The following PRDM11 variants were observed in gnomAD, a reference collection of about 807,000 sequenced individuals.
PRDM11 encodes the protein PR domain-containing protein 11.
PRDM11 carries 20 observed loss-of-function variants against 97.8 expected under a neutral mutation model. The ratio of observed to expected loss-of-function variants is 0.20; its 90% CI spans 0.14 to 0.30. The LOEUF is 0.30. Ranked by LOEUF, PRDM11 falls within the 10% of genes least tolerant of loss-of-function variation. The pLI, the probability that PRDM11 is intolerant of heterozygous loss-of-function variation, is 1.00. For synonymous variants in PRDM11, 599 were observed against 637.7 expected, an observed-to-expected ratio of 0.94 and a Z score of 0.91; for missense variants, 1,139 against 1,555.2, an observed-to-expected ratio of 0.73 and a Z score of 4.50.
chr11:45,202,225 A>G lies in PRDM11; in HGVS notation c.487-2486A>G, dbSNP rs547993609. 4.5e-3 allele frequency among the ~76,000 whole-genome samples: 686 copies of G among 152,340 alleles called. 3 individuals carry two copies. Among genetic ancestry groups the G allele is most frequent in the Non-Finnish European group, 7.4e-3 (502 of 68,022 alleles). ...CCCTGCGTTAGGAACCAGGGCCACC[A>G]TTGTGATCAGGGCAGCCACGTGCTT... On this transcript the variant is annotated intron_variant, in intron 4 of 7. Coordinates refer to ENST00000683152, the MANE Select transcript of PRDM11 (RefSeq NM_001384648.1).
At chr11:45,146,076 A>T (rs562920866), upstream of PRDM11, among the ~76,000 whole-genome samples, 2 of 152,272 alleles carry the variant, frequency 1.3e-5, no homozygotes, top group African/African-American at 4.8e-5. Flanking sequence ...CAAAACCGCA[A>T]CCCCACATAA....
intron 1 of PRDM11, among the ~76,000 whole-genome samples, chr11:45,106,836 T>C (rs1852070047): frequency 6.6e-6 from 1 of 152,172 alleles, no homozygotes; most frequent in Non-Finnish European, 1.5e-5. Context: ...TTACAGAGCA[T>C]CTTCTGCCAT....
upstream of PRDM11, chr11:45,146,599 T>A (rs1013055112): frequency 6.6e-6 from 1 of 151,200 alleles, no homozygotes; most frequent in Admixed American, 6.6e-5. Context: ...AATTGGGGGG[T>A]CCGCGTCTGC....
At chr11:45,117,977 G>T (rs1852340300) in intron 1 of PRDM11, among the ~76,000 whole-genome samples, 1 of 152,084 alleles carries the variant, frequency 6.6e-6, no homozygotes, top group Admixed American at 6.5e-5. Flanking sequence ...TGGTGAAAAT[G>T]GCACTTTAAC....
chr11:45,212,972 C>A (rs1590457481), intron 5 of PRDM11: 1 of 392,700 alleles, frequency 2.5e-6, no homozygotes, highest in Non-Finnish European at 5.2e-6. Context: ...CCTGCCAGAG[C>A]CCCCACCAGC....
intron 3 of PRDM11, 38 bp downstream of exon 3, chr11:45,182,387 C>T (rs202172429): frequency 6.4e-7 from 1 of 1,561,758 alleles, no homozygotes; most frequent in Non-Finnish European, 8.8e-7. Context: ...CTCCTCCCTT[C>T]ACCCCCATCG....
intron 6 of PRDM11, among the ~76,000 whole-genome samples, chr11:45,220,338 T>G (rs1854084876): frequency 6.6e-6 from 1 of 152,336 alleles, no homozygotes; most frequent in African/African-American, 2.4e-5. Flanking sequence ...TGTTCCCATG[T>G]AATTATCATA....
intron 1 of PRDM11, among the ~76,000 whole-genome samples, chr11:45,125,391 G>A (rs1289936745): frequency 6.6e-6 from 1 of 152,106 alleles, no homozygotes; most frequent in Admixed American, 6.5e-5. Context: ...GCTTTTGAAT[G>A]TGTTTGCTCT....
chr11:45,146,206 C>G (rs542380816), upstream of PRDM11, among the ~76,000 whole-genome samples: 24 of 152,218 alleles, frequency 1.6e-4, no homozygotes, highest in Middle Eastern at 3.4e-3. Context: ...TAAATGGGAC[C>G]GGGAGGGGGC....
At chr11:45,147,061 G>A (rs182926434) in intron 1 of PRDM11, among the ~76,000 whole-genome samples, 184 bp downstream of exon 1, 63,817 of 145,748 alleles carry the variant, frequency 0.44, 16,734 homozygotes, top group Non-Finnish European at 0.58. Flanking sequence ...CGGGGTGGGG[G>A]GCGGCCCGCC....
intron 5 of PRDM11, among the ~76,000 whole-genome samples, chr11:45,212,241 T>TAG (rs755649742): frequency 7.9e-5 from 12 of 152,108 alleles, no homozygotes; most frequent in Non-Finnish European, 1.3e-4. Flanking sequence ...CCCACTAGAA[T>TAG]AGAGCTGTTC....
At position 45,230,296 on chromosome 11, in the gene PRDM11, A is replaced by C. The variant is rs1026056566; in HGVS notation, c.*2137A>C. On this transcript the variant is annotated 3_prime_UTR_variant, in exon 8 of 8. Coordinates refer to ENST00000683152, the MANE Select transcript of PRDM11 (RefSeq NM_001384648.1). ...AATGCACCCCTGCCTGGTGACATCC[A>C]CCCCACCTCCCACCCCAGTTGCACA... The C allele has an allele frequency of 1.3e-5, 2 of 151,528 alleles. No individual in the cohort carries two copies. Among genetic ancestry groups the C allele is most frequent in the African/African-American group, 4.9e-5 (2 of 41,160 alleles). The allele number at this position is 151,528 out of a possible 1,614,324, so 9.4% of individuals were successfully genotyped here. A position where few individuals can be genotyped will look rare whatever the true frequency, so the allele number is the denominator to read the frequency against.
chr11:45,219,442 G>T lies in PRDM11; in HGVS notation c.555-128G>T. ...CTCCGGACAGGGCAGCTGCTCTGCTGATGTTCACATGGGCCCACGTGCCTG... is the reference window on the plus strand; with the variant it reads ...CTCCGGACAGGGCAGCTGCTCTGCTTATGTTCACATGGGCCCACGTGCCTG... On this transcript the variant is annotated intron_variant, in intron 5 of 7. Transcript: ENST00000683152. This position sits in a 1 kb window ranked among gnomAD's most constrained non-coding sequence, Gnocchi z 4.2. The T allele has an allele frequency of 1.1e-6, 1 of 883,754 alleles. No homozygotes were observed. Among genetic ancestry groups the T allele is most frequent in the Non-Finnish European group, 1.7e-6 (1 of 582,732 alleles). The allele number at this position is 883,754 out of a possible 1,614,324, so 54.7% of individuals were successfully genotyped here.
chr11:45,216,978 A>AG (rs1238702794), intron 5 of PRDM11, among the ~76,000 whole-genome samples: 1 of 152,236 alleles, frequency 6.6e-6, no homozygotes, highest in Non-Finnish European at 1.5e-5. Flanking sequence ...AGAAACTGGA[A>AG]GAAAAAAAGG....
rs1444881220 is a variant in PRDM11, at chr11:45,226,858, T to A, written c.2233T>A (p.Phe745Ile). Reference sequence around the variant, plus strand: ...CACAGCCAGCCTCCGTGCCAGCATGTTCATGACCATCCGCAAGACGCTGCC... The same window carrying A: ...CACAGCCAGCCTCCGTGCCAGCATGATCATGACCATCCGCAAGACGCTGCC... ...NITASLRASM[F>I]MTIRKTLPWL... Residue 745 changes from phenylalanine (F) to isoleucine (I), a missense_variant, in exon 8 of 8, where the codon TTC (phenylalanine) becomes ATC (isoleucine). By Grantham distance (21) the Phe-to-Ile change is conservative. Around this residue, in one of 2 missense-constraint regions of PRDM11, gnomAD observed 710 missense variants for 1,044.9 expected, o/e 0.68. Transcript: ENST00000683152. 2.0e-6 allele frequency: 3 copies of A among 1,533,750 alleles called. No individual in the cohort carries two copies. In the African/African-American group the frequency reaches 4.1e-5, roughly 21 times the overall value.
intron 4 of PRDM11, among the ~76,000 whole-genome samples, chr11:45,188,031 T>A (rs1852772409): frequency 6.6e-6 from 1 of 151,966 alleles, no homozygotes; most frequent in Non-Finnish European, 1.5e-5. Flanking sequence ...TCAAGTCCTG[T>A]CCCAAAGCCA....
rs566294986 is a variant in PRDM11 at position 45,157,746 on chromosome 11, G to C, written c.-7+10869G>C. 2.6e-5 allele frequency among the ~76,000 whole-genome samples: 4 copies of C among 152,376 alleles called. No individual in the cohort carries two copies. The East Asian group carries it at 5.8e-4, about 22-fold the overall frequency. On this transcript the variant is annotated intron_variant, in intron 1 of 7. Coordinates refer to ENST00000683152, the MANE Select transcript of PRDM11 (RefSeq NM_001384648.1). ...TGGCCTGGTTGGTGGGGTCACACCT[G>C]GGGTCATGGGCTGGCCATGGCAGAA...
intron 1 of PRDM11, among the ~76,000 whole-genome samples, chr11:45,152,065 C>CATTTATTT (rs764463745): frequency 6.6e-6 from 1 of 151,970 alleles, no homozygotes; most frequent in South Asian, 2.1e-4. Context: ...CTCATGGGCA[C>CATTTATTT]ATTTATTTAT....
At chr11:45,133,973 T>C (rs1290803333) in intron 1 of PRDM11, among the ~76,000 whole-genome samples, 1 of 152,160 alleles carries the variant, frequency 6.6e-6, no homozygotes, top group Non-Finnish European at 1.5e-5. Context: ...TGAAGGGCAA[T>C]CTCTCTGCCA....
Sources: gnomAD v4.1 joint callset for allele counts (sites outside exome capture counted in the v4.1 genomes callset) on GRCh38, gnomAD v4.1.1 for gene constraint, gnomAD v4.1.1 regional missense constraint, Gnocchi (gnomAD v3.1) non-coding constraint, MANE v1.5 for transcripts, NCBI Gene and HGNC (gene_info 2026-07-23, HGNC 2026-07-21) for gene names.